The following RPS15 variants were observed in gnomAD, a reference collection of about 807,000 sequenced individuals.
The protein encoded by RPS15 is ribosomal protein S15.
RPS15 carries 5 observed loss-of-function variants against 14.9 expected under a neutral mutation model. The observed-to-expected ratio is 0.34, with a 90% confidence interval of 0.18 to 0.70. The LOEUF is 0.70. Ranked by LOEUF, RPS15 falls within the 30% of genes least tolerant of loss-of-function variation. The pLI is 0.65. For synonymous variants in RPS15, 103 were observed against 85.0 expected, an observed-to-expected ratio of 1.21 and a Z score of -1.16; for missense variants, 102 against 204.2, an observed-to-expected ratio of 0.50 and a Z score of 3.05.
In RPS15 at chr19:1,438,550, C is replaced by T. The variant is rs1326959679; in HGVS notation, c.3+122C>T. The T allele has an allele frequency of 6.3e-7, 1 of 1,583,058 alleles. No individual in the cohort carries two copies. The highest frequency in any genetic ancestry group is 1.8e-5 in the Admixed American group (1 of 55,520). On this transcript the variant is annotated intron_variant, in intron 1 of 3. Transcript: ENST00000592588. This position sits in a 1 kb window ranked among gnomAD's most constrained non-coding sequence, Gnocchi z 4.8. ...GGCGGCTTGCTCCCGACCCTGCAGG[C>T]GGCTGGATGTTGGGGCGAGGGGCGG...
In RPS15 at chr19:1,440,190, C is replaced by A. The variant is rs748516532; in HGVS notation, c.261C>A (p.Pro87=). The part of the protein sequence containing the change: ...KTHLRDMIIL[P]EMVGSMVGVY... ...ACCTGCGGGACATGATCATCCTACC[C>A]GAGATGGTGGGCAGCATGGTGGGCG... Residue 87 remains proline, a synonymous_variant, in exon 3 of 4, where the codon CCC becomes CCA. Transcript: ENST00000592588. The A allele has an allele frequency of 3.1e-6, 5 of 1,612,972 alleles. No individual in the cohort carries two copies. The Admixed American group carries it at 8.3e-5, about 27-fold the overall frequency.
At chr19:1,439,652 C>G (rs893669600) in intron 2 of RPS15, 2 of 547,146 alleles carry the variant, frequency 3.7e-6, no homozygotes, top group African/African-American at 3.8e-5. Context: ...GCCTCAACCT[C>G]CCGAAGTGCT....
intron 2 of RPS15, 169 bp downstream of exon 2, chr19:1,439,061 C>T: frequency 3.3e-6 from 2 of 599,006 alleles, no homozygotes; most frequent in Non-Finnish European, 5.7e-6. Context: ...TGTCCAGAGA[C>T]GTTGAGGTTT....
chr19:1,438,465 A>C lies in RPS15; in HGVS notation c.3+37A>C, dbSNP rs777093097. On this transcript the variant is annotated intron_variant, in intron 1 of 3. Coordinates refer to ENST00000592588, the MANE Select transcript of RPS15 (RefSeq NM_001018.5). The surrounding 1 kb of genome is among the most constrained non-coding windows in gnomAD (Gnocchi z 4.8). ...GATTTGGCGCGTCTCTGCCGGGCCT[A>C]TCCGGCTCCATCCAACCTCTGACCG... is the stretch of plus-strand genomic sequence containing the variant. 5 of 1,613,076 alleles carry C rather than the reference A, an allele frequency of 3.1e-6. No homozygotes were observed. The Admixed American group carries it at 5.0e-5, about 16-fold the overall frequency.
rs753208388 is a variant in RPS15 at position 1,438,603 on chromosome 19, G to C, written c.3+175G>C. On this transcript the variant is annotated intron_variant, in intron 1 of 3. Coordinates refer to ENST00000592588, the MANE Select transcript of RPS15 (RefSeq NM_001018.5). This position sits in a 1 kb window ranked among gnomAD's most constrained non-coding sequence, Gnocchi z 4.8. Reference sequence around the variant, plus strand: ...TTGGTGGGTGTCGGGACGACGCGGGGCTGGGAAGGCCTGTCCGGGCCTTCA... The same window carrying C: ...TTGGTGGGTGTCGGGACGACGCGGGCCTGGGAAGGCCTGTCCGGGCCTTCA... The C allele has an allele frequency of 1.3e-6, 2 of 1,541,990 alleles. No homozygotes were observed. The highest frequency in any genetic ancestry group is 1.4e-5 in the African/African-American group (1 of 72,920).
chr19:1,440,358 A>T lies in RPS15; in HGVS notation c.334A>T (p.Ile112Phe). Residue 112 changes from isoleucine to phenylalanine, a missense_variant, in exon 4 of 4, where the codon ATC (isoleucine) becomes TTC (phenylalanine). By Grantham distance (21) the Ile-to-Phe change is conservative (BLOSUM62 0). Transcript: ENST00000592588. ...FNQVEIKPEM[I>F]GHYLGEFSIT... ...TCTTGGTCTCCCGCAGCCCGAGATG[A>T]TCGGCCACTACCTGGGCGAGTTCTC... 1 of 1,613,994 alleles carries T rather than the reference A, an allele frequency of 6.2e-7. No homozygotes were observed. Among genetic ancestry groups the T allele is most frequent in the Non-Finnish European group, 8.5e-7 (1 of 1,179,930 alleles).
rs1185295155 is a variant in RPS15 at position 1,438,489 on chromosome 19, C to T, written c.3+61C>T. ...TATCCGGCTCCATCCAACCTCTGAC[C>T]GTCTCGCGGGGGCCGCAGTTCGTCC... On this transcript the variant is annotated intron_variant, in intron 1 of 3. Transcript: ENST00000592588. The surrounding 1 kb of genome is among the most constrained non-coding windows in gnomAD (Gnocchi z 4.8). 1.2e-6 allele frequency: 2 copies of T among 1,612,446 alleles called. No individual in the cohort carries two copies. The highest frequency in any genetic ancestry group is 1.7e-5 in the Admixed American group (1 of 59,978).
chr19:1,438,833 G>C lies in RPS15; in HGVS notation c.30G>C (p.Arg10=), dbSNP rs148070085. The C allele has an allele frequency of 1.9e-6, 3 of 1,597,042 alleles. No homozygotes were observed. The highest frequency in any genetic ancestry group is 2.3e-5 in the South Asian group (2 of 88,838). The change falls in exon 2 of 4, where the codon CGG becomes CGC. Residue 10 remains arginine (R), a synonymous_variant. Coordinates refer to ENST00000592588, the MANE Select transcript of RPS15 (RefSeq NM_001018.5). The surrounding 1 kb of genome is among the most constrained non-coding windows in gnomAD (Gnocchi z 4.8). MAEVEQKKK[R]TFRKFTYRGV... The stretch of plus-strand genomic sequence containing the variant: ...CAGAAGTAGAGCAGAAGAAGAAGCG[G>C]ACCTTCCGCAAGTTCACCTACCGCG...
At chr19:1,439,246 G>T in intron 2 of RPS15, 1 of 272,102 alleles carries the variant, frequency 3.7e-6, no homozygotes, top group South Asian at 7.4e-5. Flanking sequence ...TGGGCATCTG[G>T]CTTGCGCTTT....
chr19:1,439,095 C>G, intron 2 of RPS15: 1 of 551,896 alleles, frequency 1.8e-6, no homozygotes, highest in Non-Finnish European at 3.2e-6. Flanking sequence ...ACCTGCCCCC[C>G]GTTGTTCACT....
chr19:1,440,097 G>A lies in RPS15; in HGVS notation c.168G>A (p.Leu56=), dbSNP rs1212637401. 1 of 1,587,492 alleles carries A rather than the reference G, an allele frequency of 6.3e-7. No homozygotes were observed. The highest frequency in any genetic ancestry group is 8.6e-7 in the Non-Finnish European group (1 of 1,168,902). Residue 56 remains leucine, a synonymous_variant, in exon 3 of 4, where the codon CTG becomes CTA. Coordinates refer to ENST00000592588, the MANE Select transcript of RPS15 (RefSeq NM_001018.5). ...NRGLRRKQHS[L]LKRLRKAKKE... ...GCCTGCGGCGGAAGCAGCACTCCCTGCTGAAGCGCCTGCGCAAGGCCAAGA... is the reference window on the plus strand; with the variant it reads ...GCCTGCGGCGGAAGCAGCACTCCCTACTGAAGCGCCTGCGCAAGGCCAAGA...
chr19:1,439,319 A>G (rs371530524), intron 2 of RPS15: 3 of 183,632 alleles, frequency 1.6e-5, no homozygotes, highest in African/African-American at 4.8e-5. Context: ...CTGGAGTGCA[A>G]TGGCTCCGTC....
chr19:1,439,094 C>A (rs1190385219), intron 2 of RPS15: 9 of 552,994 alleles, frequency 1.6e-5, no homozygotes, highest in East Asian at 1.3e-4. Flanking sequence ...AACCTGCCCC[C>A]CGTTGTTCAC....
Position 1,438,833 on chromosome 19 carries a change from G to A in RPS15, c.30G>A (p.Arg10=), listed in dbSNP as rs148070085. 4.8e-5 allele frequency: 76 copies of A among 1,597,042 alleles called. No individual in the cohort carries two copies. In the African/African-American group the frequency reaches 9.8e-4, roughly 21 times the overall value. The part of the protein sequence containing the change: MAEVEQKKK[R]TFRKFTYRGV... Reference sequence around the variant, plus strand: ...CAGAAGTAGAGCAGAAGAAGAAGCGGACCTTCCGCAAGTTCACCTACCGCG... The same window carrying A: ...CAGAAGTAGAGCAGAAGAAGAAGCGAACCTTCCGCAAGTTCACCTACCGCG... The change falls in exon 2 of 4, where the codon CGG becomes CGA. Residue 10 remains arginine, a synonymous_variant. Transcript: ENST00000592588. This position sits in a 1 kb window ranked among gnomAD's most constrained non-coding sequence, Gnocchi z 4.8.
intron 2 of RPS15, 173 bp from the exon 3 acceptor site, chr19:1,439,846 C>T (rs1036047117): frequency 7.6e-6 from 5 of 658,708 alleles, no homozygotes; most frequent in African/African-American, 3.6e-5. Context: ...GCATATCTGG[C>T]GGGGGTGCCA....
At position 1,440,327 on chromosome 19, in the gene RPS15, C is replaced by G. The variant is rs762922130; in HGVS notation, c.325-22C>G. The G allele has an allele frequency of 1.7e-5, 27 of 1,612,350 alleles. No homozygotes were observed. In the South Asian group the frequency reaches 2.9e-4, roughly 17 times the overall value. On this transcript the variant is annotated intron_variant, in intron 3 of 3. Coordinates refer to ENST00000592588, the MANE Select transcript of RPS15 (RefSeq NM_001018.5). The stretch of plus-strand genomic sequence containing the variant: ...GCAGGCGGGATCAGCTGACACCCAG[C>G]TTTGCTCTTGGTCTCCCGCAGCCCG...
intron 2 of RPS15, chr19:1,439,674 C>T (rs2083637383): frequency 1.8e-6 from 1 of 570,356 alleles, no homozygotes; most frequent in Non-Finnish European, 3.1e-6. Flanking sequence ...GGATCACAGG[C>T]GGGAGCCACT....
intron 3 of RPS15, 42 bp downstream of exon 3, chr19:1,440,295 G>A (rs1206688116): frequency 1.2e-6 from 2 of 1,611,200 alleles, no homozygotes; most frequent in Admixed American, 1.7e-5. Context: ...GGCTGGGGTC[G>A]CCTGATGCAG....
chr19:1,438,443 T>G lies in RPS15; in HGVS notation c.3+15T>G, dbSNP rs1215976177. 6.2e-7 allele frequency: 1 copy of G among 1,613,408 alleles called. No homozygotes were observed. Among genetic ancestry groups the G allele is most frequent in the East Asian group, 2.2e-5 (1 of 44,870 alleles). On this transcript the variant is annotated intron_variant, in intron 1 of 3. Transcript: ENST00000592588. The surrounding 1 kb of genome is among the most constrained non-coding windows in gnomAD (Gnocchi z 4.8). Reference sequence around the variant, plus strand: ...CCGGCAAGATGGTGAGTGTTGCGATTTGGCGCGTCTCTGCCGGGCCTATCC... The same window carrying G: ...CCGGCAAGATGGTGAGTGTTGCGATGTGGCGCGTCTCTGCCGGGCCTATCC...
Sources: gnomAD v4.1 joint callset for allele counts on GRCh38, gnomAD v4.1.1 for gene constraint, Gnocchi (gnomAD v3.1) non-coding constraint, MANE v1.5 for transcripts, NCBI Gene and HGNC (gene_info 2026-07-23, HGNC 2026-07-21) for gene names.